FBN1: variants seen among roughly 807,000 people sequenced by gnomAD.
FBN1 encodes fibrillin-1.
A neutral mutation model predicts 365.1 loss-of-function variants in FBN1; 29 were observed. The observed-to-expected ratio is 0.08, with a 90% CI of 0.06 to 0.11. The LOEUF (loss-of-function observed/expected upper bound fraction) is 0.11. Among genes scored for constraint, FBN1 ranks in the 10% least tolerant of loss-of-function variants. The pLI is 1.00. For missense variants in FBN1, 2,476 were observed against 3,703.2 expected, an observed-to-expected ratio of 0.67 and a Z score of 8.60; for synonymous variants, 1,210 against 1,270.5, an observed-to-expected ratio of 0.95 and a Z score of 1.01.
At chr15:48,453,457 G>C (rs1450966220) in intron 44 of FBN1, among the ~76,000 whole-genome samples, 1 of 152,036 alleles carries the variant, frequency 6.6e-6, no homozygotes, top group African/African-American at 2.4e-5. Flanking sequence ...CAAAACTCTG[G>C]AGACAGTAAA....
intron 2 of FBN1, among the ~76,000 whole-genome samples, chr15:48,630,731 CAAAAAA>C (rs11393587): frequency 4.5e-5 from 5 of 111,100 alleles, no homozygotes; most frequent in East Asian, 2.7e-4. Flanking sequence ...GACTCCATCT[CAAAAAA>C]AAAAAAAAAA....
chr15:48,481,058 A>T (rs1327796944), intron 32 of FBN1, among the ~76,000 whole-genome samples: 1 of 152,166 alleles, frequency 6.6e-6, no homozygotes, highest in African/African-American at 2.4e-5. Flanking sequence ...TATTGTGAAA[A>T]CATTTTCTCA....
At chr15:48,484,780 C>T (rs1422054505) in intron 30 of FBN1, among the ~76,000 whole-genome samples, 1 of 152,158 alleles carries the variant, frequency 6.6e-6, no homozygotes, top group African/African-American at 2.4e-5. Flanking sequence ...CTTCTTAAGC[C>T]AAGCCAAAAT....
In FBN1 at chr15:48,505,219, G is replaced by A. The variant is rs190780479; in HGVS notation, c.1838-72C>T. The A allele has an allele frequency of 5.0e-6, 8 of 1,586,958 alleles. No individual in the cohort carries two copies. The East Asian group carries it at 1.6e-4, about 31-fold the overall frequency. ...AAAATTATAACATGTTGACAATTATGTTTTAACCCTTGAAAATGGGGAAGA... is the reference window on the plus strand; with the variant it reads ...AAAATTATAACATGTTGACAATTATATTTTAACCCTTGAAAATGGGGAAGA... On this transcript the variant is annotated intron_variant, in intron 15 of 65. Transcript: ENST00000316623.
intron 2 of FBN1, among the ~76,000 whole-genome samples, chr15:48,636,270 G>T (rs925679666): frequency 2.0e-5 from 3 of 152,158 alleles, no homozygotes; most frequent in Non-Finnish European, 4.4e-5. Context: ...CTGCTCTAAA[G>T]ACCATGTAGA....
intron 6 of FBN1, among the ~76,000 whole-genome samples, chr15:48,553,168 T>C (rs768925508): frequency 1.2e-4 from 19 of 152,230 alleles, no homozygotes; most frequent in Non-Finnish European, 5.9e-5. Context: ...CTTTCTCTAT[T>C]CTATTTTTTA....
At chr15:48,427,111 C>T (rs1334238276) in intron 58 of FBN1, among the ~76,000 whole-genome samples, 1 of 152,164 alleles carries the variant, frequency 6.6e-6, no homozygotes, top group East Asian at 1.9e-4. Flanking sequence ...AGTTAAGGAG[C>T]TTGTGCTTTT....
intron 6 of FBN1, among the ~76,000 whole-genome samples, chr15:48,587,512 C>T (rs1028765072): frequency 1.3e-5 from 2 of 152,140 alleles, no homozygotes; most frequent in African/African-American, 4.8e-5. Context: ...GCCTCTTCTC[C>T]CACAGAAGGG....
At chr15:48,424,834 A>T (rs916332724) in intron 60 of FBN1, among the ~76,000 whole-genome samples, 1 of 152,178 alleles carries the variant, frequency 6.6e-6, no homozygotes, top group Non-Finnish European at 1.5e-5. Flanking sequence ...TTCTGCCCAG[A>T]GCTTTTCTGG....
At chr15:48,486,581 C>T (rs1422597528) in intron 29 of FBN1, among the ~76,000 whole-genome samples, 3 of 152,174 alleles carry the variant, frequency 2.0e-5, no homozygotes, top group Non-Finnish European at 2.9e-5. Flanking sequence ...ATGAACATTC[C>T]ATGGTCTTCT....
chr15:48,503,553 T>C (rs920919785), intron 17 of FBN1, among the ~76,000 whole-genome samples: 1 of 151,746 alleles, frequency 6.6e-6, no homozygotes, highest in Non-Finnish European at 1.5e-5. Context: ...TTGAGTATTA[T>C]TGAGGTAGGA....
At chr15:48,509,131 G>A (rs1447689039) in intron 14 of FBN1, among the ~76,000 whole-genome samples, 1 of 152,078 alleles carries the variant, frequency 6.6e-6, no homozygotes, top group Non-Finnish European at 1.5e-5. Flanking sequence ...ATGTATTTAG[G>A]CTACATCCTA....
At chr15:48,568,800 A>G (rs1295836297) in intron 6 of FBN1, among the ~76,000 whole-genome samples, 1 of 152,056 alleles carries the variant, frequency 6.6e-6, no homozygotes, top group Non-Finnish European at 1.5e-5. Context: ...TGTACATGCA[A>G]AACAGTTGAC....
intron 63 of FBN1, among the ~76,000 whole-genome samples, chr15:48,417,469 T>TTCCTTCCTTCCTTTCCTTCC (rs752328232): frequency 3.0e-5 from 1 of 33,544 alleles, no homozygotes; most frequent in Admixed American, 3.3e-4. Flanking sequence ...CCTTCCTTCC[T>TTCCTTCCTTCCTTTCCTTCC]TTCCTTCCTT....
At chr15:48,527,600 T>G (rs1392270938) in intron 8 of FBN1, among the ~76,000 whole-genome samples, 1 of 152,252 alleles carries the variant, frequency 6.6e-6, no homozygotes, top group Admixed American at 6.5e-5. Context: ...TCTCTTCATT[T>G]ATAAGACAAA....
At chr15:48,425,293 G>T in intron 60 of FBN1, 76 bp downstream of exon 60, 1 of 1,601,722 alleles carries the variant, frequency 6.2e-7, no homozygotes, top group Non-Finnish European at 8.6e-7. Flanking sequence ...CGGCTTGCCT[G>T]TGGAGTTCTT....
intron 4 of FBN1, among the ~76,000 whole-genome samples, chr15:48,603,432 C>G (rs2044582338): frequency 6.6e-6 from 1 of 152,168 alleles, no homozygotes; most frequent in Non-Finnish European, 1.5e-5. Context: ...AAGGTGGGAG[C>G]AGTCGCTCAG....
At chr15:48,553,229 G>C (rs556532106) in intron 6 of FBN1, among the ~76,000 whole-genome samples, 1 of 152,134 alleles carries the variant, frequency 6.6e-6, no homozygotes, top group East Asian at 1.9e-4. Flanking sequence ...ACCGTCAATT[G>C]AAAGTAAAGA....
chr15:48,575,392 T>C (rs1222211767), intron 6 of FBN1, among the ~76,000 whole-genome samples: 2 of 152,230 alleles, frequency 1.3e-5, no homozygotes, highest in Admixed American at 1.3e-4. Context: ...GCAGGTTTCT[T>C]ACATGCACAT....
Sources: allele counts gnomAD v4.1 joint callset (sites outside exome capture counted in the v4.1 genomes callset), GRCh38; gene constraint gnomAD v4.1.1; transcripts MANE v1.5; gene names NCBI Gene and HGNC (gene_info 2026-07-23, HGNC 2026-07-21).